ICA1: variants seen among roughly 807,000 people sequenced by gnomAD.
ICA1 encodes the protein islet cell autoantigen 1.
Under a neutral mutation model 71.0 loss-of-function variants are expected in ICA1, and 40 were observed. The observed-to-expected ratio is 0.56, with a 90% confidence interval of 0.44 to 0.73. The LOEUF is 0.73. ICA1 is among the 30% of genes least tolerant of loss of function. The probability of loss-of-function intolerance (pLI) is 0.00; values close to 1 mark genes in which losing one functional copy is unlikely to be tolerated. For missense variants in ICA1, 578 were observed against 576.5 expected (o/e 1.00, Z -0.03); for synonymous variants, 207 against 209.5 (o/e 0.99, Z 0.10).
intron 6 of ICA1, among the ~76,000 whole-genome samples, chr7:8,207,256 C>T (rs1004158539): frequency 3.3e-5 from 5 of 152,208 alleles, no homozygotes; most frequent in Non-Finnish European, 4.4e-5. Context: ...TTACCAAGCC[C>T]GAAAATCATA....
chr7:8,204,408 A>T (rs1790795945), intron 6 of ICA1, among the ~76,000 whole-genome samples: 1 of 152,248 alleles, frequency 6.6e-6, no homozygotes, highest in Non-Finnish European at 1.5e-5. Context: ...AAAAGAATTC[A>T]TACCCTCGCT....
At chr7:8,252,311 C>T (rs962729556) in intron 1 of ICA1, among the ~76,000 whole-genome samples, 7 of 152,168 alleles carry the variant, frequency 4.6e-5, no homozygotes, top group African/African-American at 9.7e-5. Flanking sequence ...AGGAATACTA[C>T]GCCCTTCGAT....
rs191128698 is a variant in ICA1 at position 8,150,123 on chromosome 7, T to C, written c.805-6151A>G. Among the ~76,000 whole-genome samples, 36 of 152,218 alleles carry C rather than the reference T, an allele frequency of 2.4e-4. No homozygotes were observed. The East Asian group carries it at 6.7e-3, about 29-fold the overall frequency. On this transcript the variant is annotated intron_variant, in intron 8 of 13. Transcript: ENST00000402384. ...CTTCTTTAAAAATAAGATAGAAAATTGATAATGACAAGGCACCATACTGTC... is the reference window on the plus strand; with the variant it reads ...CTTCTTTAAAAATAAGATAGAAAATCGATAATGACAAGGCACCATACTGTC...
chr7:8,182,691 C>A (rs761999226), intron 6 of ICA1, among the ~76,000 whole-genome samples: 3 of 152,152 alleles, frequency 2.0e-5, no homozygotes, highest in Non-Finnish European at 4.4e-5. Flanking sequence ...GAATGACCAG[C>A]AGATCTAACA....
At chr7:8,142,700 C>A (rs545480814) in intron 9 of ICA1, among the ~76,000 whole-genome samples, 1 of 152,208 alleles carries the variant, frequency 6.6e-6, no homozygotes, top group Non-Finnish European at 1.5e-5. Context: ...CTTGACGTCA[C>A]TGAAGGTTGT....
intron 6 of ICA1, among the ~76,000 whole-genome samples, chr7:8,182,830 C>T (rs186072718): frequency 2.4e-4 from 37 of 151,930 alleles, no homozygotes; most frequent in African/African-American, 8.4e-4. Flanking sequence ...TAAAGAAAAC[C>T]CACTGTCACT....
intron 6 of ICA1, among the ~76,000 whole-genome samples, chr7:8,204,341 G>A (rs1026361445): frequency 1.3e-5 from 2 of 152,222 alleles, no homozygotes; most frequent in Non-Finnish European, 2.9e-5. Flanking sequence ...TAGTTCACAC[G>A]TATGGCTATG....
intron 6 of ICA1, among the ~76,000 whole-genome samples, chr7:8,175,891 A>G (rs1780464244): frequency 6.6e-6 from 1 of 152,182 alleles, no homozygotes; most frequent in Non-Finnish European, 1.5e-5. Flanking sequence ...GGAGTTTCCA[A>G]GGAAGAGAGC....
At chr7:8,174,771 A>AAAAAAAAAAAAAAAACC (rs1554310916) in intron 6 of ICA1, among the ~76,000 whole-genome samples, 10 of 106,058 alleles carry the variant, frequency 9.4e-5, no homozygotes, top group South Asian at 7.0e-4. Flanking sequence ...AAAAAAAAAA[A>AAAAAAAAAAAAAAAACC]AAAAAAAACA....
intron 13 of ICA1, among the ~76,000 whole-genome samples, chr7:8,127,639 G>C (rs1277682407): frequency 6.6e-6 from 1 of 152,078 alleles, no homozygotes; most frequent in Non-Finnish European, 1.5e-5. Context: ...ATGACAATAT[G>C]ATTTAGAACC....
chr7:8,114,838 C>T (rs1026809403), intron 13 of ICA1: 1 of 152,252 alleles, frequency 6.6e-6, no homozygotes, highest in African/African-American at 2.4e-5. Context: ...AATCTAAGTT[C>T]ATTGGCTTGG....
chr7:8,238,929 A>C (rs1180203876), intron 1 of ICA1, among the ~76,000 whole-genome samples: 2 of 152,244 alleles, frequency 1.3e-5, no homozygotes, highest in Non-Finnish European at 2.9e-5. Flanking sequence ...CTGGGAATCT[A>C]GTTTTATAAT....
At chr7:8,116,154 A>G (rs1295841877) in intron 13 of ICA1, 2 of 152,262 alleles carry the variant, frequency 1.3e-5, no homozygotes, top group Non-Finnish European at 2.9e-5. Flanking sequence ...AATGGAAATT[A>G]GCAAAGTAGT....
intron 6 of ICA1, among the ~76,000 whole-genome samples, chr7:8,199,085 A>C (rs920714166): frequency 4.6e-5 from 7 of 152,368 alleles, no homozygotes; most frequent in African/African-American, 1.7e-4. Context: ...TCCAAAAGAC[A>C]GGCAATAACA....
chr7:8,208,122 T>A (rs1411754899), intron 6 of ICA1, among the ~76,000 whole-genome samples: 1 of 152,236 alleles, frequency 6.6e-6, no homozygotes, highest in Non-Finnish European at 1.5e-5. Context: ...CTAAAGCAAT[T>A]GTGATTTAGA....
chr7:8,158,240 A>C, intron 7 of ICA1: 1 of 364,650 alleles, frequency 2.7e-6, no homozygotes, highest in Non-Finnish European at 5.0e-6. Flanking sequence ...TACATTAAAA[A>C]GAATGGAATT....
At chr7:8,159,697 C>CA (rs994721547) in intron 6 of ICA1, among the ~76,000 whole-genome samples, 427 of 151,244 alleles carry the variant, frequency 2.8e-3, no homozygotes, top group African/African-American at 9.9e-3. Context: ...GAGCCTGTCT[C>CA]AAAAAAAACA....
intron 2 of ICA1, among the ~76,000 whole-genome samples, chr7:8,233,550 C>A (rs1381736533): frequency 6.6e-6 from 1 of 151,984 alleles, no homozygotes. Context: ...CATGCTACCA[C>A]GCCCAGCTAC....
At chr7:8,232,816 G>A in intron 2 of ICA1, 61 bp from the exon 3 acceptor site, 6 of 1,365,654 alleles carry the variant, frequency 4.4e-6, no homozygotes, top group Non-Finnish European at 1.9e-6. Flanking sequence ...ATATTTTAGT[G>A]TGAAATGATT....
Sources: gnomAD v4.1 joint callset for allele counts (sites outside exome capture counted in the v4.1 genomes callset) on GRCh38, gnomAD v4.1.1 for gene constraint, MANE v1.5 for transcripts, NCBI Gene and HGNC (gene_info 2026-07-23, HGNC 2026-07-21) for gene names.